Variants in TMEM178B observed in about 807,000 individuals in gnomAD.
The protein encoded by TMEM178B is transmembrane protein 178B.
Under a neutral mutation model 31.0 loss-of-function variants are expected in TMEM178B, and 5 were observed. The observed-to-expected ratio is 0.16, with a 90% CI of 0.08 to 0.34. The LOEUF (loss-of-function observed/expected upper bound fraction) is 0.34. TMEM178B is among the 10% of genes least tolerant of loss of function. TMEM178B has a pLI of 1.00. For missense variants in TMEM178B, 275 were observed against 400.3 expected (o/e 0.69, Z 2.67); for synonymous variants, 164 against 164.0 (o/e 1.00, Z 0.00).
intron 2 of TMEM178B, among the ~76,000 whole-genome samples, chr7:141,267,821 C>A (rs1041881477): frequency 6.6e-6 from 1 of 152,176 alleles, no homozygotes; most frequent in African/African-American, 2.4e-5. Context: ...TACTCCTCAT[C>A]ATATAATTGG....
chr7:141,426,808 TA>T (rs1309238143), intron 2 of TMEM178B, among the ~76,000 whole-genome samples: 3 of 152,144 alleles, frequency 2.0e-5, no homozygotes, highest in Admixed American at 2.0e-4. Flanking sequence ...AACACTCCAT[TA>T]AAAAGCTATA....
At chr7:141,097,749 A>G (rs1368057511) in intron 1 of TMEM178B, among the ~76,000 whole-genome samples, 4 of 150,642 alleles carry the variant, frequency 2.7e-5, no homozygotes. Context: ...TTCTCCTTCA[A>G]CAAATCGCCA....
chr7:141,407,374 C>T (rs753911282), intron 2 of TMEM178B, among the ~76,000 whole-genome samples: 2 of 152,192 alleles, frequency 1.3e-5, no homozygotes, highest in African/African-American at 2.4e-5. Context: ...CCCAGTGTCA[C>T]GTAGTCAGAA....
chr7:141,174,864 G>A (rs533572270), intron 1 of TMEM178B, among the ~76,000 whole-genome samples: 6 of 152,180 alleles, frequency 3.9e-5, no homozygotes, highest in South Asian at 4.2e-4. Context: ...GATATTAGCC[G>A]TTTGTCAGAT....
intron 2 of TMEM178B, among the ~76,000 whole-genome samples, chr7:141,406,196 G>T (rs1382584905): frequency 1.3e-5 from 2 of 152,126 alleles, no homozygotes. Context: ...AACTTGTAGG[G>T]GTTATTTCTG....
At chr7:141,480,657 A>G (rs186826642), downstream of TMEM178B, among the ~76,000 whole-genome samples, 17 of 152,312 alleles carry the variant, frequency 1.1e-4, no homozygotes, top group African/African-American at 3.8e-4. Flanking sequence ...TTTTTTTCCT[A>G]TTACTGGCAT....
chr7:141,112,475 A>C (rs1013686280), intron 1 of TMEM178B, among the ~76,000 whole-genome samples: 1 of 152,262 alleles, frequency 6.6e-6, no homozygotes, highest in East Asian at 1.9e-4. Context: ...GTTGGTCTCA[A>C]ACTTGTGGAC....
At chr7:141,078,281 C>T (rs941981720) in intron 1 of TMEM178B, among the ~76,000 whole-genome samples, 18 of 151,996 alleles carry the variant, frequency 1.2e-4, no homozygotes, top group African/African-American at 4.4e-4. Context: ...TTGGTTTGTA[C>T]TAAAATATTA....
chr7:141,470,985 G>A lies in TMEM178B; in HGVS notation c.*199G>A, dbSNP rs149177705. The stretch of plus-strand genomic sequence containing the variant: ...TTTCCATCCTGTGGCTCTTCCATCA[G>A]TTCTTGACTTTTGGCTTCATGGTCT... On this transcript the variant is annotated 3_prime_UTR_variant, in exon 4 of 4. Coordinates refer to ENST00000565468, the MANE Select transcript of TMEM178B (RefSeq NM_001195278.2). 6.9e-4 allele frequency: 122 copies of A among 177,980 alleles called. 1 individual carries two copies. The East Asian group carries it at 0.016, about 23-fold the overall frequency. 11.0% of individuals were successfully genotyped at this position (177,980 alleles called of 1,614,324 possible).
chr7:141,299,487 A>G (rs1458345801), intron 2 of TMEM178B, among the ~76,000 whole-genome samples: 1 of 152,206 alleles, frequency 6.6e-6, no homozygotes, highest in African/African-American at 2.4e-5. Flanking sequence ...ACCACCTTCC[A>G]GATCCATAGC....
chr7:141,456,628 T>C (rs757518787), intron 3 of TMEM178B, among the ~76,000 whole-genome samples: 20 of 152,188 alleles, frequency 1.3e-4, no homozygotes, highest in Non-Finnish European at 2.6e-4. Context: ...GAAGATGCAG[T>C]GTCAGAAAAG....
Position 141,476,872 on chromosome 7 carries a change from T to G in TMEM178B, c.*6086T>G, listed in dbSNP as rs1802379548. 6.5e-6 allele frequency: 1 copy of G among 154,830 alleles called. No individual in the cohort carries two copies. Among genetic ancestry groups the G allele is most frequent in the African/African-American group, 2.4e-5 (1 of 41,512 alleles). The allele number at this position is 154,830 out of a possible 1,614,324, so 9.6% of individuals were successfully genotyped here. A position where few individuals can be genotyped will look rare whatever the true frequency, so the allele number is the denominator to read the frequency against. ...GCTGGTAACGGGGGAGCCACCCAAC[T>G]GCAGGGGGGTGTATGTTCAGGTGTG... On this transcript the variant is annotated 3_prime_UTR_variant, in exon 4 of 4. Coordinates refer to ENST00000565468, the MANE Select transcript of TMEM178B (RefSeq NM_001195278.2).
At chr7:141,177,856 C>T (rs1796459154) in intron 1 of TMEM178B, among the ~76,000 whole-genome samples, 1 of 152,120 alleles carries the variant, frequency 6.6e-6, no homozygotes, top group African/African-American at 2.4e-5. Flanking sequence ...AGATGGATCT[C>T]CTGAATACAG....
chr7:141,248,720 A>T (rs1250041020), intron 2 of TMEM178B, among the ~76,000 whole-genome samples: 2 of 152,236 alleles, frequency 1.3e-5, no homozygotes, highest in East Asian at 3.8e-4. Flanking sequence ...CCATGAATGG[A>T]GCTTGCAGGA....
At chr7:141,208,149 C>T (rs994255991) in intron 1 of TMEM178B, among the ~76,000 whole-genome samples, 18 of 152,150 alleles carry the variant, frequency 1.2e-4, no homozygotes, top group Middle Eastern at 3.4e-3. Flanking sequence ...GCGATGATTA[C>T]GCCACTGCAT....
intron 2 of TMEM178B, among the ~76,000 whole-genome samples, chr7:141,326,817 C>CAA (rs1348113439): frequency 6.6e-6 from 1 of 152,182 alleles, no homozygotes; most frequent in African/African-American, 2.4e-5. Context: ...GCACCTTCTG[C>CAA]AACAATGCAA....
chr7:141,401,581 A>ATT (rs577903087), intron 2 of TMEM178B, among the ~76,000 whole-genome samples: 1 of 150,270 alleles, frequency 6.7e-6, no homozygotes, highest in African/African-American at 2.5e-5. Context: ...ACACCCAGCT[A>ATT]TTTTTTTATT....
intron 1 of TMEM178B, among the ~76,000 whole-genome samples, chr7:141,187,339 C>T (rs997186828): frequency 7.2e-5 from 11 of 151,888 alleles, no homozygotes; most frequent in Middle Eastern, 3.2e-3. Context: ...TCCAGTCTAT[C>T]GTTATTGGAC....
intron 2 of TMEM178B, among the ~76,000 whole-genome samples, chr7:141,323,345 A>G (rs963191216): frequency 2.6e-5 from 4 of 152,214 alleles, no homozygotes; most frequent in African/African-American, 9.6e-5. Context: ...ATGGAGTTTT[A>G]TAATAAACAT....
Sources: gnomAD v4.1 joint callset for allele counts (sites outside exome capture counted in the v4.1 genomes callset) on GRCh38, gnomAD v4.1.1 for gene constraint, MANE v1.5 for transcripts, NCBI Gene and HGNC (gene_info 2026-07-23, HGNC 2026-07-21) for gene names.